SEMA3C: variants seen among roughly 807,000 people sequenced by gnomAD.
SEMA3C encodes semaphorin-3C.
A neutral mutation model predicts 89.4 loss-of-function variants in SEMA3C; 47 were observed. The observed-to-expected ratio is 0.53, with a 90% confidence interval of 0.42 to 0.67. The LOEUF (loss-of-function observed/expected upper bound fraction) is 0.67, where lower values mean the gene tolerates loss of function less well. SEMA3C is among the 30% of genes least tolerant of loss of function. SEMA3C has a pLI of 0.00. For synonymous variants in SEMA3C, 310 were observed against 320.2 expected (o/e 0.97, Z 0.34); for missense variants, 839 against 929.1 (o/e 0.90, Z 1.26).
intron 2 of SEMA3C, among the ~76,000 whole-genome samples, chr7:80,839,095 AG>A (rs1448362322): frequency 6.6e-6 from 1 of 152,198 alleles, no homozygotes; most frequent in Non-Finnish European, 1.5e-5. Context: ...ATACACAATT[AG>A]GGAATATCTC....
intron 4 of SEMA3C, among the ~76,000 whole-genome samples, chr7:80,824,415 G>T (rs537301982): frequency 1.3e-5 from 2 of 152,258 alleles, no homozygotes; most frequent in South Asian, 4.1e-4. Context: ...GTGACCTGAA[G>T]GGGTGAGTAG....
intron 2 of SEMA3C, among the ~76,000 whole-genome samples, chr7:80,902,957 AG>A (rs1562977959): frequency 6.6e-6 from 1 of 152,230 alleles, no homozygotes. Context: ...TAAGAGCATA[AG>A]CCCGCTGAAT....
chr7:80,840,343 G>A (rs529970545), intron 2 of SEMA3C, among the ~76,000 whole-genome samples: 122 of 151,750 alleles, frequency 8.0e-4, no homozygotes, highest in Middle Eastern at 3.4e-3. Context: ...AACATGGCAA[G>A]ACCATGTCTC....
intron 2 of SEMA3C, among the ~76,000 whole-genome samples, chr7:80,862,202 T>C (rs1043889246): frequency 3.9e-5 from 6 of 151,974 alleles, no homozygotes; most frequent in African/African-American, 1.5e-4. Context: ...CCCTAAAGAC[T>C]CCAGAAAGCT....
At position 80,756,759 on chromosome 7, in the gene SEMA3C, G is replaced by A. The variant is rs1046894679; in HGVS notation, c.1643+1572C>T. ...ATGTTATTCTGCTAGATAACGTCTT[G>A]GTGCCATTCCACATGAAGTCCTTGC... On this transcript the variant is annotated intron_variant, in intron 15 of 17. Coordinates refer to ENST00000265361, the MANE Select transcript of SEMA3C (RefSeq NM_006379.5). Among the ~76,000 whole-genome samples the A allele has an allele frequency of 2.0e-5, 3 of 152,154 alleles. No homozygotes were observed. The East Asian group carries it at 5.8e-4, about 30-fold the overall frequency.
chr7:80,916,538 T>C (rs752179607), intron 2 of SEMA3C, 141 bp downstream of exon 2: 44 of 640,652 alleles, frequency 6.9e-5, no homozygotes, highest in Non-Finnish European at 1.1e-4. Flanking sequence ...AAAATAGCTA[T>C]TGTCCTCCAA....
intron 12 of SEMA3C, among the ~76,000 whole-genome samples, chr7:80,783,632 T>C (rs1788738428): frequency 6.6e-6 from 1 of 152,174 alleles, no homozygotes; most frequent in Non-Finnish European, 1.5e-5. Flanking sequence ...TTACATGGGG[T>C]ATTTTAAGGA....
chr7:80,751,403 A>C, intron 15 of SEMA3C, 67 bp from the exon 16 acceptor site: 1 of 1,417,232 alleles, frequency 7.1e-7, no homozygotes, highest in Admixed American at 1.7e-5. Context: ...CTCTTAAAAC[A>C]CTGTAATTTT....
intron 16 of SEMA3C, 32 bp from the exon 17 acceptor site, chr7:80,749,060 A>G: frequency 6.4e-7 from 1 of 1,571,974 alleles, no homozygotes; most frequent in Non-Finnish European, 8.6e-7. Context: ...CGAGAGAGAA[A>G]GAAAGAACAC....
intron 2 of SEMA3C, among the ~76,000 whole-genome samples, chr7:80,848,705 G>T (rs1790444695): frequency 6.6e-6 from 1 of 152,150 alleles, no homozygotes; most frequent in South Asian, 2.1e-4. Context: ...AAGCAAAACA[G>T]TCCAGTCCAA....
At chr7:80,831,562 A>T (rs2115830588) in intron 2 of SEMA3C, among the ~76,000 whole-genome samples, 1 of 152,290 alleles carries the variant, frequency 6.6e-6, no homozygotes, top group East Asian at 1.9e-4. Context: ...TTTTTTTACA[A>T]GTAGCATCTA....
intron 12 of SEMA3C, among the ~76,000 whole-genome samples, chr7:80,782,668 A>T (rs987470536): frequency 3.3e-5 from 5 of 152,208 alleles, no homozygotes; most frequent in Non-Finnish European, 5.9e-5. Context: ...CCCAAAAACA[A>T]TGACAAATAA....
chr7:80,750,880 A>C (rs896524826), intron 16 of SEMA3C, among the ~76,000 whole-genome samples: 4 of 152,172 alleles, frequency 2.6e-5, no homozygotes, highest in Non-Finnish European at 5.9e-5. Flanking sequence ...TAAAATGGTT[A>C]AAATAGTAAA....
intron 5 of SEMA3C, among the ~76,000 whole-genome samples, chr7:80,817,682 T>C (rs1251625991): frequency 6.6e-6 from 1 of 151,610 alleles, no homozygotes. Flanking sequence ...GCATATCACC[T>C]TAACTAATTT....
chr7:80,749,803 G>A (rs1049677113), intron 16 of SEMA3C, among the ~76,000 whole-genome samples: 2 of 152,094 alleles, frequency 1.3e-5, no homozygotes, highest in Non-Finnish European at 2.9e-5. Context: ...CTCTAGTATG[G>A]CTTCTTGAGC....
intron 13 of SEMA3C, among the ~76,000 whole-genome samples, chr7:80,762,092 TAAAAAA>T (rs547180420): frequency 1.3e-5 from 1 of 75,922 alleles, no homozygotes; most frequent in Non-Finnish European, 2.6e-5. Context: ...TCCGTCTCAA[TAAAAAA>T]AAAAAAAAAA....
chr7:80,809,992 A>G (rs566886437), intron 6 of SEMA3C, among the ~76,000 whole-genome samples: 28 of 152,294 alleles, frequency 1.8e-4, no homozygotes, highest in African/African-American at 6.3e-4. Flanking sequence ...TGTTTATCCA[A>G]GGAATCAGTT....
chr7:80,863,337 A>AC (rs1790818743), intron 2 of SEMA3C, among the ~76,000 whole-genome samples: 2 of 150,220 alleles, frequency 1.3e-5, no homozygotes, highest in South Asian at 4.2e-4. Context: ...TAATCAAAAT[A>AC]TTAAAAAAAA....
chr7:80,782,326 G>C (rs1033252888), intron 12 of SEMA3C, among the ~76,000 whole-genome samples: 1 of 152,168 alleles, frequency 6.6e-6, no homozygotes, highest in African/African-American at 2.4e-5. Flanking sequence ...GATTAATCTT[G>C]TTCACATGTA....
Sources: gnomAD v4.1 joint callset for allele counts (sites outside exome capture counted in the v4.1 genomes callset) on GRCh38, gnomAD v4.1.1 for gene constraint, MANE v1.5 for transcripts, NCBI Gene and HGNC (gene_info 2026-07-23, HGNC 2026-07-21) for gene names.